The following DLGAP2 variants were observed in gnomAD, a reference collection of about 807,000 sequenced individuals.
DLGAP2 encodes the protein disks large-associated protein 2.
A neutral mutation model predicts 100.3 loss-of-function variants in DLGAP2; 26 were observed. The observed-to-expected ratio is 0.26, with a 90% CI of 0.19 to 0.36. The LOEUF (loss-of-function observed/expected upper bound fraction) is 0.36, where lower values mean the gene tolerates loss of function less well. Among genes scored for constraint, DLGAP2 ranks in the 10% least tolerant of loss-of-function variants. The pLI is 1.00. For missense variants in DLGAP2, 1,858 were observed against 1,453.2 expected (o/e 1.28, Z -4.53); for synonymous variants, 886 against 630.1 (o/e 1.41, Z -6.08).
chr8:1,628,930 A>G (rs1191133342), intron 7 of DLGAP2, among the ~76,000 whole-genome samples: 2 of 152,256 alleles, frequency 1.3e-5, no homozygotes, highest in African/African-American at 4.8e-5. Context: ...GTACACAGTC[A>G]ATTTTAGATG....
chr8:941,522 G>C (rs1419130116), intron 2 of DLGAP2, among the ~76,000 whole-genome samples: 1 of 152,194 alleles, frequency 6.6e-6, no homozygotes, highest in African/African-American at 2.4e-5. Context: ...CCGTGGAAGA[G>C]TGTCTCCATC....
At chr8:830,595 A>C (rs1796763336) in intron 1 of DLGAP2, among the ~76,000 whole-genome samples, 1 of 152,132 alleles carries the variant, frequency 6.6e-6, no homozygotes, top group African/African-American at 2.4e-5. Context: ...CTATTTATTT[A>C]AGTTACGGGT....
At chr8:1,561,885 C>T (rs373598770) in intron 5 of DLGAP2, among the ~76,000 whole-genome samples, 3 of 36,534 alleles carry the variant, frequency 8.2e-5, no homozygotes, top group African/African-American at 1.2e-4. Flanking sequence ...TGGGTGTCCG[C>T]GCCTCGTTAC....
chr8:1,481,968 G>T (rs893483875), intron 3 of DLGAP2, among the ~76,000 whole-genome samples: 1 of 152,214 alleles, frequency 6.6e-6, no homozygotes, highest in African/African-American at 2.4e-5. Context: ...GGCCAGGTAG[G>T]AGGGGCCCCA....
intron 1 of DLGAP2, among the ~76,000 whole-genome samples, chr8:801,529 G>T (rs1455979082): frequency 6.6e-6 from 1 of 152,224 alleles, no homozygotes; most frequent in Non-Finnish European, 1.5e-5. Flanking sequence ...ATCACGGAAT[G>T]CTGAAAGGCT....
chr8:1,689,242 C>T (rs984968966), intron 12 of DLGAP2, among the ~76,000 whole-genome samples: 1 of 152,288 alleles, frequency 6.6e-6, no homozygotes, highest in Admixed American at 6.5e-5. Context: ...TAGAAAGAAA[C>T]GGACTTTCTG....
At chr8:1,321,639 A>G (rs549210957) in intron 3 of DLGAP2, among the ~76,000 whole-genome samples, 7 of 152,334 alleles carry the variant, frequency 4.6e-5, no homozygotes, top group African/African-American at 1.7e-4. Context: ...CACCTTTAGT[A>G]TTAGAAAGGA....
chr8:829,729 C>T (rs1213647632), intron 1 of DLGAP2, among the ~76,000 whole-genome samples: 1 of 152,162 alleles, frequency 6.6e-6, no homozygotes, highest in Non-Finnish European at 1.5e-5. Flanking sequence ...TTTTGGTTTA[C>T]TTTCCATATT....
chr8:1,122,805 G>A (rs1178881263), intron 2 of DLGAP2, among the ~76,000 whole-genome samples: 1 of 148,346 alleles, frequency 6.7e-6, no homozygotes, highest in Admixed American at 6.8e-5. Context: ...GTTTGATTCA[G>A]TCTTGAAAAT....
intron 1 of DLGAP2, among the ~76,000 whole-genome samples, chr8:772,890 C>A (rs1380525076): frequency 6.6e-6 from 1 of 152,164 alleles, no homozygotes; most frequent in Non-Finnish European, 1.5e-5. Flanking sequence ...CTTCCTAATT[C>A]CTCTGGGTGG....
intron 2 of DLGAP2, among the ~76,000 whole-genome samples, chr8:963,950 C>G (rs1799786620): frequency 1.3e-5 from 2 of 152,092 alleles, no homozygotes; most frequent in African/African-American, 2.4e-5. Flanking sequence ...TTTTTTTATC[C>G]TCTAGAGATC....
At chr8:1,486,145 G>C (rs998092673) in intron 3 of DLGAP2, among the ~76,000 whole-genome samples, 1 of 152,172 alleles carries the variant, frequency 6.6e-6, no homozygotes, top group Non-Finnish European at 1.5e-5. Flanking sequence ...CTCATCTTCA[G>C]AACCACCCTT....
intron 2 of DLGAP2, among the ~76,000 whole-genome samples, chr8:1,030,457 T>C (rs747505571): frequency 5.3e-5 from 8 of 152,204 alleles, no homozygotes; most frequent in Non-Finnish European, 1.0e-4. Context: ...CTGAAATGGA[T>C]GTGCAATGTG....
intron 3 of DLGAP2, among the ~76,000 whole-genome samples, chr8:1,324,324 C>G (rs1402787127): frequency 1.3e-5 from 2 of 152,184 alleles, no homozygotes; most frequent in African/African-American, 4.8e-5. Flanking sequence ...ACATTCCTAT[C>G]CTATCTCTTC....
At chr8:1,377,188 T>C (rs947771564) in intron 3 of DLGAP2, among the ~76,000 whole-genome samples, 2 of 152,134 alleles carry the variant, frequency 1.3e-5, no homozygotes, top group African/African-American at 4.8e-5. Context: ...AGGTCAGTGG[T>C]GTGCAGCTGT....
At chr8:1,474,342 C>T (rs1268774595) in intron 3 of DLGAP2, among the ~76,000 whole-genome samples, 1 of 152,142 alleles carries the variant, frequency 6.6e-6, no homozygotes, top group Non-Finnish European at 1.5e-5. Flanking sequence ...GCTATAAACA[C>T]GTGTGTGCAA....
At chr8:1,550,386 C>T (rs958661971) in intron 5 of DLGAP2, among the ~76,000 whole-genome samples, 35 of 152,148 alleles carry the variant, frequency 2.3e-4, no homozygotes, top group African/African-American at 7.2e-4. Context: ...CTCTGAAGAT[C>T]CCGACTCCTC....
intron 3 of DLGAP2, among the ~76,000 whole-genome samples, chr8:1,441,236 G>T (rs1321842606): frequency 6.6e-6 from 1 of 152,070 alleles, no homozygotes; most frequent in Non-Finnish European, 1.5e-5. Context: ...ATAAATTCTG[G>T]CAGATTTAAT....
At chr8:1,521,001 C>A (rs1026005339) in intron 4 of DLGAP2, among the ~76,000 whole-genome samples, 1 of 152,186 alleles carries the variant, frequency 6.6e-6, no homozygotes, top group African/African-American at 2.4e-5. Flanking sequence ...GGCTCCGCGT[C>A]CTGGCCGGCG....
Sources: gnomAD v4.1 joint callset for allele counts (sites outside exome capture counted in the v4.1 genomes callset) on GRCh38, gnomAD v4.1.1 for gene constraint, MANE v1.5 for transcripts, NCBI Gene and HGNC (gene_info 2026-07-23, HGNC 2026-07-21) for gene names.